SLC35A1: variants seen among roughly 807,000 people sequenced by gnomAD.
The protein encoded by SLC35A1 is CMP-sialic acid transporter.
Under a neutral mutation model 40.3 loss-of-function variants are expected in SLC35A1, and 21 were observed. The ratio of observed to expected loss-of-function variants is 0.52; its 90% CI spans 0.37 to 0.75. SLC35A1 has a LOEUF of 0.75. Among genes scored for constraint, SLC35A1 ranks in the 30% least tolerant of loss-of-function variants. The pLI, the probability that SLC35A1 is intolerant of heterozygous loss-of-function variation, is 0.00. For missense variants in SLC35A1, 297 were observed against 382.1 expected, an observed-to-expected ratio of 0.78 and a Z score of 1.86; for synonymous variants, 146 against 147.3, an observed-to-expected ratio of 0.99 and a Z score of 0.06.
At chr6:87,500,092 A>T (rs1769873648) in intron 2 of SLC35A1, among the ~76,000 whole-genome samples, 1 of 152,104 alleles carries the variant, frequency 6.6e-6, no homozygotes, top group Non-Finnish European at 1.5e-5. Flanking sequence ...ACACAACAAG[A>T]CTCCATCTCA....
intron 5 of SLC35A1, among the ~76,000 whole-genome samples, chr6:87,508,195 C>T (rs1049891757): frequency 1.3e-5 from 2 of 152,078 alleles, no homozygotes. Context: ...AGCTTATAAA[C>T]TTCCCAATTA....
chr6:87,498,941 ATTC>A (rs1249165588), intron 2 of SLC35A1, among the ~76,000 whole-genome samples: 5 of 152,302 alleles, frequency 3.3e-5, no homozygotes, highest in South Asian at 4.1e-4. Context: ...TATTTTTGGT[ATTC>A]TTCTGCTTTT....
chr6:87,506,826 C>T (rs1305723220), intron 5 of SLC35A1: 1 of 261,010 alleles, frequency 3.8e-6, no homozygotes, highest in Non-Finnish European at 7.5e-6. Flanking sequence ...TTAATGTTAC[C>T]AGCTAAGTAT....
At chr6:87,474,428 C>G (rs1562015884) in intron 1 of SLC35A1, among the ~76,000 whole-genome samples, 2 of 152,138 alleles carry the variant, frequency 1.3e-5, no homozygotes, top group African/African-American at 4.8e-5. Flanking sequence ...CACACAAACA[C>G]TATATGGGAG....
At chr6:87,502,316 G>T (rs1337502670) in intron 4 of SLC35A1, among the ~76,000 whole-genome samples, 2 of 152,124 alleles carry the variant, frequency 1.3e-5, no homozygotes, top group African/African-American at 4.8e-5. Context: ...GCACAGTTTG[G>T]TAATTACCCC....
In SLC35A1 at chr6:87,482,547, A is replaced by G. The variant is rs537543696; in HGVS notation, c.194+5008A>G. Among the ~76,000 whole-genome samples the G allele has an allele frequency of 3.3e-5, 5 of 152,260 alleles. No individual in the cohort carries two copies. In the East Asian group the frequency reaches 9.7e-4, roughly 29 times the overall value. ...CAAACAGCTTACCAACTATTAGGCA[A>G]TTTTCCTAACTCTACTTCTATAAGA... On this transcript the variant is annotated intron_variant, in intron 2 of 7. Transcript: ENST00000369552.
Position 87,477,351 on chromosome 6 carries a change from G to T in SLC35A1, c.17-11G>T, listed in dbSNP as rs202125733. On this transcript the variant is annotated splice_polypyrimidine_tract_variant and intron_variant, in intron 1 of 7. Transcript: ENST00000369552. ...CTACTAAGTAATGTCTTTGTTGCAC[G>T]TATTTTCCAGACAATGTCACTTTAT... is the stretch of plus-strand genomic sequence containing the variant. The T allele has an allele frequency of 1.4e-5, 22 of 1,608,712 alleles. No individual in the cohort carries two copies. Among genetic ancestry groups the T allele is most frequent in the Non-Finnish European group, 1.9e-5 (22 of 1,177,756 alleles).
At chr6:87,478,032 G>C (rs998749754) in intron 2 of SLC35A1, among the ~76,000 whole-genome samples, 1 of 152,202 alleles carries the variant, frequency 6.6e-6, no homozygotes, top group African/African-American at 2.4e-5. Flanking sequence ...TTAAGTGCTA[G>C]GCACTGTGCT....
Position 87,493,462 on chromosome 6 carries a change from T to TTGTGTGTG in SLC35A1, c.195-7032_195-7025dup, listed in dbSNP as rs71018022. On this transcript the variant is annotated intron_variant, in intron 2 of 7. Coordinates refer to ENST00000369552, the MANE Select transcript of SLC35A1 (RefSeq NM_006416.5). ...TGCATAGACACCTATCTAAATCTAGTTGTGTGTGTGTGTGTGTGTGTATAA... is the reference window on the plus strand; with the variant it reads ...TGCATAGACACCTATCTAAATCTAGTTGTGTGTGTGTGTGTGTGTGTGTGTGTGTATAA... Among the ~76,000 whole-genome samples, 927 of 150,540 alleles carry TTGTGTGTG rather than the reference T, an allele frequency of 6.2e-3. 11 individuals are homozygous for TTGTGTGTG. Among genetic ancestry groups the TTGTGTGTG allele is most frequent in the East Asian group, 0.017 (89 of 5,110 alleles).
chr6:87,493,515 C>G (rs761715095), intron 2 of SLC35A1, among the ~76,000 whole-genome samples: 2 of 151,930 alleles, frequency 1.3e-5, no homozygotes, highest in African/African-American at 4.8e-5. Flanking sequence ...ATTGATACCA[C>G]AATTTTGATC....
intron 6 of SLC35A1, 169 bp downstream of exon 6, chr6:87,508,765 T>C: frequency 1.3e-6 from 1 of 772,990 alleles, no homozygotes; most frequent in Non-Finnish European, 2.0e-6. Flanking sequence ...GAAGGCAAAA[T>C]TGCTTTGGGA....
At chr6:87,506,149 A>C (rs149588159) in intron 4 of SLC35A1, among the ~76,000 whole-genome samples, 299 of 152,334 alleles carry the variant, frequency 2.0e-3, no homozygotes, top group African/African-American at 7.0e-3. Context: ...TATTATATTA[A>C]GCATATACTA....
At position 87,511,409 on chromosome 6, in the gene SLC35A1, T is replaced by G; in HGVS notation, c.897T>G (p.Phe299Leu). ...TTTTTTTCTTTTCAGCACTCACCTT[T>G]GCCCTGGGTACTCTTCTTGTATGTG... ...MLFGLQITLT[F>L]ALGTLLVCVS... The change falls in exon 8 of 8, where the codon TTT becomes TTG. Residue 299 changes from phenylalanine to leucine, a missense_variant. Physicochemically the swap from Phe to Leu is conservative, Grantham distance 22. Coordinates refer to ENST00000369552, the MANE Select transcript of SLC35A1 (RefSeq NM_006416.5). 1.2e-6 allele frequency: 2 copies of G among 1,613,924 alleles called. No individual in the cohort carries two copies. Among genetic ancestry groups the G allele is most frequent in the Non-Finnish European group, 8.5e-7 (1 of 1,179,880 alleles).
At chr6:87,499,877 A>C (rs900140103) in intron 2 of SLC35A1, among the ~76,000 whole-genome samples, 2 of 152,202 alleles carry the variant, frequency 1.3e-5, no homozygotes, top group African/African-American at 2.4e-5. Context: ...GTACTTTGGG[A>C]GGCCGAGGCG....
At chr6:87,508,641 T>G (rs1414190099) in intron 6 of SLC35A1, 45 bp downstream of exon 6, 4 of 1,494,082 alleles carry the variant, frequency 2.7e-6, no homozygotes, top group South Asian at 1.2e-5. Context: ...CCTTTATTTT[T>G]TTTTTAAGTT....
intron 2 of SLC35A1, among the ~76,000 whole-genome samples, chr6:87,486,153 G>A (rs185235568): frequency 2.3e-3 from 350 of 152,288 alleles, no homozygotes; most frequent in Non-Finnish European, 3.7e-3. Context: ...GGTCTCTGAT[G>A]CTGTTTGCTC....
intron 2 of SLC35A1, among the ~76,000 whole-genome samples, chr6:87,489,723 G>C (rs1769490377): frequency 6.6e-6 from 1 of 151,616 alleles, no homozygotes; most frequent in Admixed American, 6.6e-5. Context: ...TATATTTCTA[G>C]TAGAGACAGG....
chr6:87,502,147 GTTTC>G (rs539237354), intron 4 of SLC35A1, among the ~76,000 whole-genome samples: 217 of 152,092 alleles, frequency 1.4e-3, no homozygotes, highest in Non-Finnish European at 2.5e-3. Context: ...AAACCCTACT[GTTTC>G]TTTCTATAAT....
At chr6:87,485,091 A>G (rs148674885) in intron 2 of SLC35A1, among the ~76,000 whole-genome samples, 1 of 152,362 alleles carries the variant, frequency 6.6e-6, no homozygotes, top group East Asian at 1.9e-4. Context: ...GGCAAACAGG[A>G]TGTTATCTAG....
Sources: gnomAD v4.1 joint callset for allele counts (sites outside exome capture counted in the v4.1 genomes callset) on GRCh38, gnomAD v4.1.1 for gene constraint, MANE v1.5 for transcripts, NCBI Gene and HGNC (gene_info 2026-07-23, HGNC 2026-07-21) for gene names.